CNTNAP4: variants seen among roughly 807,000 people sequenced by gnomAD.
CNTNAP4 encodes the protein contactin-associated protein-like 4.
CNTNAP4 carries 98 observed loss-of-function variants against 148.4 expected under a neutral mutation model. The ratio of observed to expected loss-of-function variants is 0.66; its 90% CI spans 0.56 to 0.78. The LOEUF (loss-of-function observed/expected upper bound fraction) is 0.78. Ranked by LOEUF, CNTNAP4 falls within the 30% of genes least tolerant of loss-of-function variation. The probability of loss-of-function intolerance (pLI) is 0.00; values close to 1 mark genes in which losing one functional copy is unlikely to be tolerated. For synonymous variants in CNTNAP4, 730 were observed against 565.1 expected (o/e 1.29, Z -4.14); for missense variants, 1,935 against 1,565.6 (o/e 1.24, Z -3.98).
intron 15 of CNTNAP4, among the ~76,000 whole-genome samples, chr16:76,505,094 C>T (rs538105294): frequency 6.6e-6 from 1 of 152,018 alleles, no homozygotes; most frequent in African/African-American, 2.4e-5. Context: ...ACCATATGAC[C>T]CAGCAATCCC....
intron 3 of CNTNAP4, among the ~76,000 whole-genome samples, chr16:76,370,588 C>T (rs1444213412): frequency 3.3e-5 from 5 of 152,184 alleles, no homozygotes; most frequent in Admixed American, 2.0e-4. Flanking sequence ...ACACAGTCCA[C>T]GTCACTCAGC....
chr16:76,346,780 G>A (rs965044791), intron 2 of CNTNAP4, among the ~76,000 whole-genome samples: 1 of 152,164 alleles, frequency 6.6e-6, no homozygotes, highest in East Asian at 1.9e-4. Flanking sequence ...AAACTTGGCT[G>A]TCATAAAATT....
intron 2 of CNTNAP4, among the ~76,000 whole-genome samples, chr16:76,321,292 C>G (rs775500737): frequency 2.0e-5 from 3 of 152,132 alleles, no homozygotes; most frequent in Non-Finnish European, 4.4e-5. Flanking sequence ...ATAATTATAG[C>G]AATCTATATA....
chr16:76,344,240 GA>G (rs1964725250), intron 2 of CNTNAP4, among the ~76,000 whole-genome samples: 1 of 152,022 alleles, frequency 6.6e-6, no homozygotes, highest in Non-Finnish European at 1.5e-5. Flanking sequence ...CCAGTTTGTA[GA>G]AAAAATCATT....
intron 1 of CNTNAP4, among the ~76,000 whole-genome samples, chr16:76,297,962 T>C (rs1959488525): frequency 6.6e-6 from 1 of 152,196 alleles, no homozygotes; most frequent in African/African-American, 2.4e-5. Context: ...TTTTTTTTCT[T>C]ATCACCCGTA....
At chr16:76,485,235 A>G (rs1186684540) in intron 12 of CNTNAP4, among the ~76,000 whole-genome samples, 1 of 152,072 alleles carries the variant, frequency 6.6e-6, no homozygotes, top group East Asian at 1.9e-4. Context: ...CTCCTGCCTC[A>G]GCCTCCCGAG....
At chr16:76,444,901 G>C (rs1405684983) in intron 4 of CNTNAP4, among the ~76,000 whole-genome samples, 7 of 152,050 alleles carry the variant, frequency 4.6e-5, no homozygotes, top group African/African-American at 1.4e-4. Flanking sequence ...GGAAATCTGT[G>C]ATGCGACTGT....
At chr16:76,519,410 G>T (rs1568482355) in intron 15 of CNTNAP4, among the ~76,000 whole-genome samples, 2 of 151,996 alleles carry the variant, frequency 1.3e-5, no homozygotes, top group South Asian at 4.2e-4. Context: ...GATATAATAT[G>T]AAAAAAATAA....
chr16:76,526,410 A>G (rs1260767899), intron 17 of CNTNAP4, among the ~76,000 whole-genome samples: 1 of 152,092 alleles, frequency 6.6e-6, no homozygotes, highest in Non-Finnish European at 1.5e-5. Flanking sequence ...GGAGTGACAT[A>G]ATTTTCATTT....
At chr16:76,528,305 G>C (rs2083828239) in intron 17 of CNTNAP4, among the ~76,000 whole-genome samples, 1 of 152,114 alleles carries the variant, frequency 6.6e-6, no homozygotes, top group Admixed American at 6.6e-5. Context: ...CTGTCACCCA[G>C]ACTGGAGTAC....
At chr16:76,298,486 ATGTGTGTGTGTG>A (rs3975398) in intron 1 of CNTNAP4, among the ~76,000 whole-genome samples, 1,759 of 129,466 alleles carry the variant, frequency 0.014, 44 homozygotes, top group African/African-American at 0.05. Context: ...GTGTACATGT[ATGTGTGTGTGTG>A]TGTGTGTGTG....
chr16:76,478,831 G>A (rs9922610), intron 11 of CNTNAP4, among the ~76,000 whole-genome samples: 12,231 of 152,074 alleles, frequency 0.08, 1,481 homozygotes, highest in African/African-American at 0.26. Flanking sequence ...GAGCATTGGT[G>A]GGAGTTTCTT....
chr16:76,292,193 C>A (rs1192857900), intron 1 of CNTNAP4, among the ~76,000 whole-genome samples: 1 of 152,170 alleles, frequency 6.6e-6, no homozygotes, highest in African/African-American at 2.4e-5. Flanking sequence ...TGTCATCCAA[C>A]TTTGTCTTGC....
Position 76,348,329 on chromosome 16 carries a change from A to G in CNTNAP4, c.197-6989A>G, listed in dbSNP as rs558637711. On this transcript the variant is annotated intron_variant, in intron 2 of 23. Coordinates refer to ENST00000611870, the MANE Select transcript of CNTNAP4 (RefSeq NM_033401.5). ...TGTTAAAGAGATCAAGTAGAATAGA[A>G]TTCTCCAGTCTTGGGTTCAGGGAAG... Among the ~76,000 whole-genome samples, 12 of 152,226 alleles carry G rather than the reference A, an allele frequency of 7.9e-5. No homozygotes were observed. The South Asian group carries it at 2.5e-3, about 32-fold the overall frequency.
chr16:76,500,127 G>A (rs1378856845), intron 15 of CNTNAP4, among the ~76,000 whole-genome samples: 5 of 152,076 alleles, frequency 3.3e-5, no homozygotes, highest in Non-Finnish European at 5.9e-5. Flanking sequence ...CTTCCCAGAC[G>A]GGGCGGCTGG....
At chr16:76,343,212 G>A (rs1482568788) in intron 2 of CNTNAP4, among the ~76,000 whole-genome samples, 1 of 151,964 alleles carries the variant, frequency 6.6e-6, no homozygotes, top group Non-Finnish European at 1.5e-5. Flanking sequence ...TATACACTGG[G>A]AACCATGAAC....
At chr16:76,538,412 C>G in intron 19 of CNTNAP4, 72 bp downstream of exon 19, 2 of 1,148,102 alleles carry the variant, frequency 1.7e-6, no homozygotes, top group Admixed American at 4.6e-5. Flanking sequence ...GGATCATTCT[C>G]GTGTTCTGGC....
chr16:76,495,101 G>A, intron 14 of CNTNAP4, 35 bp downstream of exon 14: 1 of 1,607,416 alleles, frequency 6.2e-7, no homozygotes, highest in Non-Finnish European at 8.5e-7. Flanking sequence ...GCAAGAAAAA[G>A]TTCATTTAAA....
intron 15 of CNTNAP4, among the ~76,000 whole-genome samples, chr16:76,512,450 T>G (rs1422150267): frequency 2.6e-5 from 4 of 152,150 alleles, no homozygotes; most frequent in African/African-American, 4.8e-5. Context: ...CCTGATGAAT[T>G]GTTGTAGTTT....
Sources: allele counts gnomAD v4.1 joint callset (sites outside exome capture counted in the v4.1 genomes callset), GRCh38; gene constraint gnomAD v4.1.1; transcripts MANE v1.5; gene names NCBI Gene and HGNC (gene_info 2026-07-23, HGNC 2026-07-21).